MCUR1: variants seen among roughly 807,000 people sequenced by gnomAD.
MCUR1 encodes MCU regulator 1.
MCUR1 carries 37 observed loss-of-function variants against 42.0 expected under a neutral mutation model. The observed-to-expected ratio is 0.88, with a 90% CI of 0.68 to 1.16. The LOEUF is 1.16. Ranked by LOEUF, MCUR1 falls within the 50% of genes most tolerant of loss-of-function variation. MCUR1 has a pLI of 0.00. For synonymous variants in MCUR1, 229 were observed against 196.2 expected (o/e 1.17, Z -1.40); for missense variants, 469 against 468.4 (o/e 1.00, Z -0.01).
rs148317291 is a variant in MCUR1, at chr6:13,812,597, A to G, written c.415+1418T>C. 4.6e-3 allele frequency among the ~76,000 whole-genome samples: 701 copies of G among 152,338 alleles called. 10 individuals are homozygous for G. The highest frequency in any genetic ancestry group is 0.016 in the African/African-American group (672 of 41,570). ...ATCTCCGACTCCTAATTACTGAAGG[A>G]CAGTGACACCGAGTTCACTACTCAT... On this transcript the variant is annotated intron_variant, in intron 1 of 8. Coordinates refer to ENST00000379170, the MANE Select transcript of MCUR1 (RefSeq NM_001031713.4).
intron 4 of MCUR1, 128 bp from the exon 5 acceptor site, chr6:13,800,510 G>A: frequency 1.7e-6 from 1 of 577,468 alleles, no homozygotes; most frequent in Non-Finnish European, 3.1e-6. Flanking sequence ...CGTATTGATT[G>A]CAGAATGGCA....
Position 13,796,627 on chromosome 6 carries a change from T to C in MCUR1, c.855+2206A>G, listed in dbSNP as rs1349065620. 2.0e-4 allele frequency among the ~76,000 whole-genome samples: 30 copies of C among 152,206 alleles called. 1 individual carries two copies. The highest frequency in any genetic ancestry group is 2.0e-3 in the Admixed American group (30 of 15,276). ...GGTTTAAAGACTAAAACTGTAATTGTGAAAAAAATTTCTGGAAAATTTTTG... is the reference window on the plus strand; with the variant it reads ...GGTTTAAAGACTAAAACTGTAATTGCGAAAAAAATTTCTGGAAAATTTTTG... On this transcript the variant is annotated intron_variant, in intron 6 of 8. Transcript: ENST00000379170.
At chr6:13,802,420 G>A (rs557413826) in intron 2 of MCUR1, 74 bp from the exon 3 acceptor site, 2 of 1,175,510 alleles carry the variant, frequency 1.7e-6, no homozygotes, top group East Asian at 4.8e-5. Context: ...ACATTCATGT[G>A]AATGTCCAAA....
intron 1 of MCUR1, among the ~76,000 whole-genome samples, chr6:13,811,949 A>G (rs919416409): frequency 1.3e-5 from 2 of 152,164 alleles, no homozygotes; most frequent in Non-Finnish European, 1.5e-5. Context: ...AAAGGTCGAC[A>G]GAAGGGCTGG....
At position 13,790,973 on chromosome 6, in the gene MCUR1, T is replaced by C. The variant is rs1759718191; in HGVS notation, c.1025-109A>G. ...AAGAAAACCTAGAAACTTAGATTGC[T>C]CACTGATGTCCCATATTCCGTGAAA... On this transcript the variant is annotated intron_variant, in intron 8 of 8. Transcript: ENST00000379170. 3 of 741,556 alleles carry C rather than the reference T, an allele frequency of 4.0e-6. No individual in the cohort carries two copies. The South Asian group carries it at 5.3e-5, about 13-fold the overall frequency. 45.9% of individuals were successfully genotyped at this position (741,556 alleles called of 1,614,324 possible).
At chr6:13,807,185 T>A in intron 1 of MCUR1, 141 bp from the exon 2 acceptor site, 1 of 879,978 alleles carries the variant, frequency 1.1e-6, no homozygotes, top group Non-Finnish European at 1.6e-6. Context: ...TCACCCAATT[T>A]CAAGCATACA....
chr6:13,807,907 G>T (rs773748211), intron 1 of MCUR1, among the ~76,000 whole-genome samples: 1 of 152,132 alleles, frequency 6.6e-6, no homozygotes, highest in Non-Finnish European at 1.5e-5. Context: ...TTATGGGCTT[G>T]TTGGCCATTT....
chr6:13,813,975 C>T (rs956974004), intron 1 of MCUR1, 40 bp downstream of exon 1: 3 of 1,227,928 alleles, frequency 2.4e-6, no homozygotes, highest in East Asian at 3.2e-5. Context: ...CGTCCAACCC[C>T]GCGAGACGAG....
chr6:13,805,761 T>C (rs1347664097), intron 2 of MCUR1, among the ~76,000 whole-genome samples: 1 of 152,190 alleles, frequency 6.6e-6, no homozygotes, highest in Non-Finnish European at 1.5e-5. Flanking sequence ...CAAGCATAAT[T>C]TACACTATTT....
chr6:13,799,893 G>A (rs776004635), intron 5 of MCUR1, among the ~76,000 whole-genome samples: 13 of 141,034 alleles, frequency 9.2e-5, no homozygotes, highest in Non-Finnish European at 1.8e-4. Context: ...GTGCAATGGC[G>A]CAATCTCGGC....
intron 2 of MCUR1, among the ~76,000 whole-genome samples, chr6:13,804,759 C>T (rs1760078991): frequency 7.4e-6 from 1 of 134,324 alleles, no homozygotes; most frequent in Admixed American, 8.5e-5. Flanking sequence ...CACTGTACTC[C>T]AGCCTGGAAG....
Position 13,801,355 on chromosome 6 carries a change from G to T in MCUR1, c.674C>A (p.Ala225Glu), listed in dbSNP as rs145895773. The T allele has an allele frequency of 6.2e-7, 1 of 1,611,722 alleles. No individual in the cohort carries two copies. Among genetic ancestry groups the T allele is most frequent in the Non-Finnish European group, 8.5e-7 (1 of 1,179,432 alleles). ...AATAATCATATCCTTTTTCACATTCGCAATCTGAGACATTACTTGCTGAAA... is the reference window on the plus strand; with the variant it reads ...AATAATCATATCCTTTTTCACATTCTCAATCTGAGACATTACTTGCTGAAA... ...ITFQQVMSQI[A>E]NVKKDMIILE... The change falls in exon 4 of 9, where the codon GCG becomes GAG. Residue 225 changes from alanine to glutamate, a missense_variant. Ala to Glu is a moderately radical substitution (Grantham distance 107). Transcript: ENST00000379170.
chr6:13,786,932 A>G lies in MCUR1; in HGVS notation c.*3877T>C, dbSNP rs1464153156. 1 of 152,254 alleles carries G rather than the reference A, an allele frequency of 6.6e-6. No individual in the cohort carries two copies. The highest frequency in any genetic ancestry group is 1.9e-4 in the East Asian group (1 of 5,206). The allele number at this position is 152,254 out of a possible 1,614,324, so 9.4% of individuals were successfully genotyped here. ...TCTCAAATATTTTACATACATGAAG[A>G]ATAAATTATTTCTGGTTAACATGTT... On this transcript the variant is annotated 3_prime_UTR_variant, in exon 9 of 9. Transcript: ENST00000379170.
At chr6:13,804,790 CAAAAAAAAAA>C (rs971958696) in intron 2 of MCUR1, among the ~76,000 whole-genome samples, 3 of 50,458 alleles carry the variant, frequency 5.9e-5, no homozygotes, top group Admixed American at 2.4e-4. Flanking sequence ...ACTCTGTCTC[CAAAAAAAAAA>C]AAAAAAAAAA....
chr6:13,814,055 C>G lies in MCUR1; in HGVS notation c.375G>C (p.Gln125His), dbSNP rs1760302619. The change falls in exon 1 of 9, where the codon CAG (glutamine) becomes CAC (histidine). Residue 125 changes from glutamine to histidine, a missense_variant. Coordinates refer to ENST00000379170, the MANE Select transcript of MCUR1 (RefSeq NM_001031713.4). Reference sequence around the variant, plus strand: ...CGAGTGCAGGCGCCGGGCCGTGGTACTGGGGAAGGGCGCCGGCGGCAGCGG... The same window carrying G: ...CGAGTGCAGGCGCCGGGCCGTGGTAGTGGGGAAGGGCGCCGGCGGCAGCGG... ...GVAAAAGALP[Q>H]YHGPAPALVS... 3 of 1,239,308 alleles carry G rather than the reference C, an allele frequency of 2.4e-6. No homozygotes were observed. The South Asian group carries it at 1.2e-4, about 50-fold the overall frequency. 76.8% of individuals were successfully genotyped at this position (1,239,308 alleles called of 1,614,324 possible).
At position 13,810,770 on chromosome 6, in the gene MCUR1, A is replaced by G. The variant is rs574717026; in HGVS notation, c.415+3245T>C. Among the ~76,000 whole-genome samples, 13 of 152,328 alleles carry G rather than the reference A, an allele frequency of 8.5e-5. No homozygotes were observed. The East Asian group carries it at 2.1e-3, about 25-fold the overall frequency. Reference sequence around the variant, plus strand: ...ATGAGTGCAAGAGATGCAATAATCCATATCTGTATCAAGAACCATTTGCAG... The same window carrying G: ...ATGAGTGCAAGAGATGCAATAATCCGTATCTGTATCAAGAACCATTTGCAG... On this transcript the variant is annotated intron_variant, in intron 1 of 8. Coordinates refer to ENST00000379170, the MANE Select transcript of MCUR1 (RefSeq NM_001031713.4).
At chr6:13,806,095 AAC>A (rs1259788326) in intron 2 of MCUR1, among the ~76,000 whole-genome samples, 1 of 152,022 alleles carries the variant, frequency 6.6e-6, no homozygotes, top group Non-Finnish European at 1.5e-5. Context: ...CTCTATGAAA[AAC>A]ACAAAAATTA....
rs1759982621 is a variant in MCUR1 at position 13,801,292 on chromosome 6, T to C, written c.737A>G (p.Asn246Ser). ...GTGTGAGAGGCTCTGTTTTACCTCATTTTCTGCTCTGAGGGCTGAAAATTC... is the reference window on the plus strand; with the variant it reads ...GTGTGAGAGGCTCTGTTTTACCTCACTTTCTGCTCTGAGGGCTGAAAATTC... The part of the protein sequence containing the change: ...KSEFSALRAE[N>S]EKIKLELHQL... Residue 246 changes from asparagine to serine, a missense_variant, in exon 4 of 9, where the codon AAT becomes AGT. Transcript: ENST00000379170. 1 of 1,607,880 alleles carries C rather than the reference T, an allele frequency of 6.2e-7. No individual in the cohort carries two copies. The highest frequency in any genetic ancestry group is 1.1e-5 in the South Asian group (1 of 90,770).
chr6:13,803,006 C>G (rs1760024296), intron 2 of MCUR1, among the ~76,000 whole-genome samples: 1 of 152,014 alleles, frequency 6.6e-6, no homozygotes, highest in African/African-American at 2.4e-5. Context: ...AAAATATGTT[C>G]TTTGGTAGTC....
Sources: gnomAD v4.1 joint callset for allele counts (sites outside exome capture counted in the v4.1 genomes callset) on GRCh38, gnomAD v4.1.1 for gene constraint, MANE v1.5 for transcripts, NCBI Gene and HGNC (gene_info 2026-07-23, HGNC 2026-07-21) for gene names.